NSMAF: variants seen among roughly 807,000 people sequenced by gnomAD.
NSMAF encodes the protein neutral sphingomyelinase activation associated factor.
In NSMAF, 90 loss-of-function variants were observed where a neutral mutation model predicts 134.9. The observed-to-expected ratio is 0.67, with a 90% confidence interval of 0.56 to 0.79. NSMAF has a LOEUF of 0.79. Among genes scored for constraint, NSMAF ranks in the 30% least tolerant of loss-of-function variants. NSMAF has a pLI of 0.00. For synonymous variants in NSMAF, 358 were observed against 389.6 expected (o/e 0.92, Z 0.96); for missense variants, 1,010 against 1,119.0 (o/e 0.90, Z 1.39).
At chr8:58,634,883 C>T (rs987078826) in intron 5 of NSMAF, among the ~76,000 whole-genome samples, 23 of 152,202 alleles carry the variant, frequency 1.5e-4, no homozygotes, top group Non-Finnish European at 2.6e-4. Context: ...AATGGACTCT[C>T]ACCTTCTAAA....
In NSMAF at chr8:58,595,623, T is replaced by C. The variant is rs942186995; in HGVS notation, c.1829A>G (p.Lys610Arg). ...GGTGATGTTATTCCAGGCCAGTGTTTTGCTTTCTTCGGTCAGGTCTTCAAA... is the reference window on the plus strand; with the variant it reads ...GGTGATGTTATTCCAGGCCAGTGTTCTGCTTTCTTCGGTCAGGTCTTCAAA... ...ESFEDLTEES[K>R]TLAWNNITKL... The change falls in exon 22 of 31, where the codon AAA becomes AGA. Residue 610 changes from lysine to arginine, a missense_variant. Lys to Arg is a conservative substitution (Grantham distance 26). Coordinates refer to ENST00000038176, the MANE Select transcript of NSMAF (RefSeq NM_003580.4). The C allele has an allele frequency of 3.7e-6, 6 of 1,614,014 alleles. No homozygotes were observed. The highest frequency in any genetic ancestry group is 5.1e-6 in the Non-Finnish European group (6 of 1,179,996).
Position 58,599,380 on chromosome 8 carries a change from A to G in NSMAF, c.1454-17T>C, listed in dbSNP as rs762257058. On this transcript the variant is annotated splice_polypyrimidine_tract_variant and intron_variant, in intron 18 of 30. Coordinates refer to ENST00000038176, the MANE Select transcript of NSMAF (RefSeq NM_003580.4). ...CCTCGGGACCTATTAGATTAGACTC[A>G]ATCGAAAAATCATGGAGTCTTCATT... The G allele has an allele frequency of 5.3e-5, 85 of 1,610,486 alleles. 1 individual carries two copies. The highest frequency in any genetic ancestry group is 7.0e-5 in the Non-Finnish European group (83 of 1,178,866).
At chr8:58,594,569 A>C in intron 22 of NSMAF, 3 of 429,754 alleles carry the variant, frequency 7.0e-6, no homozygotes, top group Non-Finnish European at 1.2e-5. Context: ...GGCAATTGGA[A>C]AACTCTTCTC....
chr8:58,610,034 G>A (rs935491548), intron 9 of NSMAF, among the ~76,000 whole-genome samples: 3 of 152,042 alleles, frequency 2.0e-5, no homozygotes, highest in Admixed American at 6.5e-5. Flanking sequence ...AATAGGCCTT[G>A]AAACTATTCT....
At chr8:58,625,836 ATTTGTCCTCT>A (rs769523064) in intron 6 of NSMAF, among the ~76,000 whole-genome samples, 7 of 151,922 alleles carry the variant, frequency 4.6e-5, no homozygotes, top group Non-Finnish European at 8.8e-5. Context: ...CTTGTAGCTC[ATTTGTCCTCT>A]TTTGTCCTCT....
intron 2 of NSMAF, among the ~76,000 whole-genome samples, chr8:58,638,092 C>T (rs1807244007): frequency 6.6e-6 from 1 of 152,172 alleles, no homozygotes; most frequent in Non-Finnish European, 1.5e-5. Context: ...CTATGTCACC[C>T]AGGCTAGAGT....
Position 58,623,628 on chromosome 8 carries a change from G to T in NSMAF, c.456+81C>A. ...TATTTAGAAAACAGATGATGATTTG[G>T]GTAAGGTATATAAATACGAAATTTA... On this transcript the variant is annotated intron_variant, in intron 7 of 30. Transcript: ENST00000038176. 3.2e-6 allele frequency: 4 copies of T among 1,235,362 alleles called. 1 individual carries two copies. In the South Asian group the frequency reaches 5.2e-5, roughly 16 times the overall value. 76.5% of individuals were successfully genotyped at this position (1,235,362 alleles called of 1,614,324 possible).
chr8:58,654,317 G>A (rs567926800), intron 1 of NSMAF, among the ~76,000 whole-genome samples: 8 of 152,262 alleles, frequency 5.3e-5, no homozygotes, highest in African/African-American at 9.6e-5. Flanking sequence ...AAGTTGGGCC[G>A]GGCGTGGTGG....
chr8:58,648,487 G>C (rs1207989677), intron 1 of NSMAF, among the ~76,000 whole-genome samples: 2 of 152,188 alleles, frequency 1.3e-5, no homozygotes, highest in African/African-American at 2.4e-5. Context: ...ATGACTAAAA[G>C]GTTGCCAAGG....
chr8:58,629,158 G>A (rs912470112), intron 6 of NSMAF, among the ~76,000 whole-genome samples: 5 of 151,830 alleles, frequency 3.3e-5, no homozygotes, highest in East Asian at 3.9e-4. Context: ...TCTTGGACTC[G>A]CATATTATGT....
chr8:58,601,360 AAAGTCAGAGGT>A lies in NSMAF; in HGVS notation c.1217-23_1217-13del. The A allele has an allele frequency of 6.2e-7, 1 of 1,613,810 alleles. No individual in the cohort carries two copies. The highest frequency in any genetic ancestry group is 1.3e-5 in the African/African-American group (1 of 75,048). On this transcript the variant is annotated splice_polypyrimidine_tract_variant and intron_variant, in intron 15 of 30. Transcript: ENST00000038176. ...CATATACTCTGGTGCTAGAGGGGAA[AAAGTCAGAGGT>A]AAGTCAGGTCACAGAATCATTGAAG... is the stretch of plus-strand genomic sequence containing the variant.
In NSMAF at chr8:58,640,983, A is replaced by G. The variant is rs183071516; in HGVS notation, c.149+2001T>C. On this transcript the variant is annotated intron_variant, in intron 2 of 30. Coordinates refer to ENST00000038176, the MANE Select transcript of NSMAF (RefSeq NM_003580.4). The stretch of plus-strand genomic sequence containing the variant: ...GTCACCCAGGCTGGAGTGCAGTGGC[A>G]TGATCCTGGCTCACTGCAACCTCCG... Among the ~76,000 whole-genome samples the G allele has an allele frequency of 8.7e-3, 1,327 of 152,194 alleles. 14 individuals carry two copies. Among genetic ancestry groups the G allele is most frequent in the Non-Finnish European group, 0.015 (1,020 of 68,006 alleles).
chr8:58,658,540 G>A (rs1038285690), intron 1 of NSMAF, among the ~76,000 whole-genome samples: 2 of 152,210 alleles, frequency 1.3e-5, no homozygotes, highest in Admixed American at 6.5e-5. Flanking sequence ...CTTGAAGTCT[G>A]CACTTGTATT....
In NSMAF at chr8:58,597,521, A is replaced by G. The variant is rs1806165951; in HGVS notation, c.1658T>C (p.Met553Thr). The G allele has an allele frequency of 5.0e-6, 8 of 1,614,120 alleles. No homozygotes were observed. The highest frequency in any genetic ancestry group is 2.7e-5 in the African/African-American group (2 of 74,942). Residue 553 changes from methionine (M) to threonine (T), a missense_variant, in exon 21 of 31, where the codon ATG becomes ACG. Transcript: ENST00000038176. ...CCCAAATTCCAAGATTTGCGTAAGC[A>G]TGGCTACCTTCTCATCAGGATCCTG... ...SIQDPDEKVAMLTQILEFGQT... is the reference protein window; with the variant it reads ...SIQDPDEKVATLTQILEFGQT...
intron 1 of NSMAF, among the ~76,000 whole-genome samples, chr8:58,652,450 A>T (rs1807607185): frequency 6.6e-6 from 1 of 152,224 alleles, no homozygotes; most frequent in Non-Finnish European, 1.5e-5. Context: ...CTGCCACATT[A>T]TACAGACTTA....
chr8:58,600,373 T>C (rs533789255), intron 16 of NSMAF, among the ~76,000 whole-genome samples: 2 of 151,954 alleles, frequency 1.3e-5, no homozygotes, highest in South Asian at 2.1e-4. Flanking sequence ...ACCTGTAATC[T>C]CAGTACTTTG....
chr8:58,587,152 CAG>C (rs1441258191), intron 27 of NSMAF, among the ~76,000 whole-genome samples: 1 of 152,218 alleles, frequency 6.6e-6, no homozygotes, highest in Non-Finnish European at 1.5e-5. Context: ...CCAGAGAAAA[CAG>C]AGCAAGTGAG....
chr8:58,649,473 A>G (rs1316710854), intron 1 of NSMAF, among the ~76,000 whole-genome samples: 2 of 152,176 alleles, frequency 1.3e-5, no homozygotes, highest in Non-Finnish European at 2.9e-5. Context: ...TAAGAAGAAC[A>G]TGAGATTTAG....
At chr8:58,597,592 C>A in intron 20 of NSMAF, 42 bp from the exon 21 acceptor site, 2 of 1,594,960 alleles carry the variant, frequency 1.3e-6, no homozygotes, top group South Asian at 2.2e-5. Context: ...CCACTAGGTT[C>A]GAGTTCCTTG....
Sources: gnomAD v4.1 joint callset for allele counts (sites outside exome capture counted in the v4.1 genomes callset) on GRCh38, gnomAD v4.1.1 for gene constraint, MANE v1.5 for transcripts, NCBI Gene and HGNC (gene_info 2026-07-23, HGNC 2026-07-21) for gene names.